TMEM63C: variants seen among roughly 807,000 people sequenced by gnomAD.
TMEM63C encodes transmembrane protein 63C, also known as osmosensitive cation channel TMEM63C.
In TMEM63C, 32 loss-of-function variants were observed where a neutral mutation model predicts 99.2. The ratio of observed to expected loss-of-function variants is 0.32; its 90% CI spans 0.24 to 0.43. TMEM63C has a LOEUF of 0.43. Among genes scored for constraint, TMEM63C ranks in the 20% least tolerant of loss-of-function variants. The pLI is 1.00. For synonymous variants in TMEM63C, 376 were observed against 397.9 expected (o/e 0.94, Z 0.66); for missense variants, 826 against 1,053.0 (o/e 0.78, Z 2.98).
In TMEM63C at chr14:77,235,010, C is replaced by T. The variant is rs115046365; in HGVS notation, c.542+1510C>T. Among the ~76,000 whole-genome samples, 400 of 152,234 alleles carry T rather than the reference C, an allele frequency of 2.6e-3. 1 individual carries two copies. The highest frequency in any genetic ancestry group is 9.0e-3 in the African/African-American group (372 of 41,538). On this transcript the variant is annotated intron_variant, in intron 8 of 23. Coordinates refer to ENST00000298351, the MANE Select transcript of TMEM63C (RefSeq NM_020431.4). ...GCTACAGTGACCTTGAGAGGGGCAC[C>T]GACCCTCTCTCACCCTCCTTTCCCT...
intron 2 of TMEM63C, among the ~76,000 whole-genome samples, chr14:77,216,101 G>GAGGA (rs1201686249): frequency 2.8e-5 from 4 of 145,398 alleles, no homozygotes; most frequent in Middle Eastern, 3.5e-3. Flanking sequence ...AGAAAAGAGA[G>GAGGA]AGGAAGGAAG....
At chr14:77,248,051 C>T (rs1253076021) in intron 18 of TMEM63C, among the ~76,000 whole-genome samples, 1 of 152,206 alleles carries the variant, frequency 6.6e-6, no homozygotes, top group Non-Finnish European at 1.5e-5. Flanking sequence ...CTGGCTCAGA[C>T]ACCCTTGCTT....
intron 12 of TMEM63C, 60 bp downstream of exon 12, chr14:77,239,786 CT>C (rs1180342600): frequency 6.9e-6 from 11 of 1,587,500 alleles, no homozygotes; most frequent in Non-Finnish European, 9.4e-6. Flanking sequence ...GGGCTCTAGG[CT>C]CTGTGCCTTT....
At chr14:77,208,584 T>C (rs1485599500) in intron 1 of TMEM63C, among the ~76,000 whole-genome samples, 1 of 152,220 alleles carries the variant, frequency 6.6e-6, no homozygotes, top group Non-Finnish European at 1.5e-5. Context: ...GAACCCCAGC[T>C]GCAAGGGAGT....
chr14:77,239,197 C>T (rs575277641), intron 10 of TMEM63C, among the ~76,000 whole-genome samples: 7 of 152,226 alleles, frequency 4.6e-5, no homozygotes, highest in Non-Finnish European at 1.0e-4. Context: ...GCCCTTTTGC[C>T]CTGTTCTGAG....
At chr14:77,192,637 C>T (rs1291503815) in intron 1 of TMEM63C, among the ~76,000 whole-genome samples, 2 of 152,132 alleles carry the variant, frequency 1.3e-5, no homozygotes, top group East Asian at 1.9e-4. Context: ...TGGTGCGTGC[C>T]TGTAGTTGCA....
At chr14:77,252,220 C>T (rs997058762) in intron 22 of TMEM63C, among the ~76,000 whole-genome samples, 2 of 152,160 alleles carry the variant, frequency 1.3e-5, no homozygotes, top group African/African-American at 4.8e-5. Context: ...AACTGTGAGC[C>T]TCCAAGGACT....
chr14:77,224,944 A>G (rs1022937028), intron 5 of TMEM63C, among the ~76,000 whole-genome samples: 3 of 152,074 alleles, frequency 2.0e-5, no homozygotes, highest in African/African-American at 7.2e-5. Flanking sequence ...CTGAGATGAC[A>G]AGTGTGAGCC....
At chr14:77,220,787 C>G (rs879622585) in intron 5 of TMEM63C, among the ~76,000 whole-genome samples, 2 of 151,740 alleles carry the variant, frequency 1.3e-5, no homozygotes, top group African/African-American at 4.8e-5. Flanking sequence ...TGAGAACGTC[C>G]TCCCTCCCCA....
At chr14:77,182,742 G>T (rs2140083986) in intron 1 of TMEM63C, among the ~76,000 whole-genome samples, 1 of 152,306 alleles carries the variant, frequency 6.6e-6, no homozygotes. Flanking sequence ...CAATTAGATT[G>T]TCTGGGGACA....
At position 77,184,157 on chromosome 14, in the gene TMEM63C, C is replaced by T. The variant is rs973534403; in HGVS notation, c.-77+2263C>T. Reference sequence around the variant, plus strand: ...TGGTCTAGGTGGAAGCCATCTGTTTCCTGCCTTGATGGGGGAAACATGGTC... The same window carrying T: ...TGGTCTAGGTGGAAGCCATCTGTTTTCTGCCTTGATGGGGGAAACATGGTC... On this transcript the variant is annotated intron_variant, in intron 1 of 23. Coordinates refer to ENST00000298351, the MANE Select transcript of TMEM63C (RefSeq NM_020431.4). Among the ~76,000 whole-genome samples the T allele has an allele frequency of 2.0e-5, 3 of 152,076 alleles. No individual in the cohort carries two copies. The South Asian group carries it at 6.2e-4, about 32-fold the overall frequency.
intron 1 of TMEM63C, among the ~76,000 whole-genome samples, chr14:77,191,538 C>CTTTTTTTTTTTTTTTTTTTTTTTTT (rs71125542): frequency 6.1e-5 from 5 of 82,610 alleles, no homozygotes; most frequent in African/African-American, 1.0e-4. Context: ...TTTTCTTTTT[C>CTTTTTTTTTTTTTTTTTTTTTTTTT]TTTTTTTTTT....
chr14:77,248,385 A>G lies in TMEM63C; in HGVS notation c.1640A>G (p.Asn547Ser), dbSNP rs770416697. The G allele has an allele frequency of 3.7e-6, 6 of 1,611,184 alleles. No individual in the cohort carries two copies. The Admixed American group carries it at 1.0e-4, about 27-fold the overall frequency. Residue 547 changes from asparagine (N) to serine (S), a missense_variant, in exon 19 of 24, where the codon AAC (asparagine) becomes AGC (serine). Asn to Ser is a conservative substitution (Grantham distance 46). Coordinates refer to ENST00000298351, the MANE Select transcript of TMEM63C (RefSeq NM_020431.4). ...CCAGACAACGGCGCCTTCTTTGTCA[A>G]CTACGTGATCACGGCAGCTTTACTT... is the stretch of plus-strand genomic sequence containing the variant. ...FLPDNGAFFV[N>S]YVITAALLGT...
At chr14:77,204,173 A>G (rs1337250861) in intron 1 of TMEM63C, among the ~76,000 whole-genome samples, 1 of 152,244 alleles carries the variant, frequency 6.6e-6, no homozygotes, top group Admixed American at 6.5e-5. Context: ...CTCAGGGTCA[A>G]ACTGGATCCC....
chr14:77,254,079 G>C (rs1419754697), intron 23 of TMEM63C, among the ~76,000 whole-genome samples: 1 of 152,232 alleles, frequency 6.6e-6, no homozygotes. Flanking sequence ...AAGCATCCCA[G>C]AGGAGGGAGC....
intron 21 of TMEM63C, among the ~76,000 whole-genome samples, chr14:77,250,182 CAG>C (rs1392199074): frequency 1.3e-5 from 2 of 152,192 alleles, no homozygotes; most frequent in Non-Finnish European, 2.9e-5. Flanking sequence ...GAAGAGGAAA[CAG>C]AGCCTGCAGT....
intron 7 of TMEM63C, among the ~76,000 whole-genome samples, chr14:77,232,488 A>G (rs978441652): frequency 6.6e-6 from 1 of 151,922 alleles, no homozygotes; most frequent in Non-Finnish European, 1.5e-5. Context: ...GGTTTTCACC[A>G]TGTTGGCCAG....
At chr14:77,244,540 G>T in intron 16 of TMEM63C, 85 bp downstream of exon 16, 1 of 1,045,182 alleles carries the variant, frequency 9.6e-7, no homozygotes. Context: ...TGGCACTTGG[G>T]CCTCCCCTCT....
intron 6 of TMEM63C, 88 bp downstream of exon 6, chr14:77,225,549 T>G (rs1812429693): frequency 7.0e-7 from 1 of 1,426,084 alleles, no homozygotes; most frequent in African/African-American, 1.4e-5. Flanking sequence ...GCCCCCAGCC[T>G]GGGAAGACAG....
Sources: allele counts gnomAD v4.1 joint callset (sites outside exome capture counted in the v4.1 genomes callset), GRCh38; gene constraint gnomAD v4.1.1; transcripts MANE v1.5; gene names NCBI Gene and HGNC (gene_info 2026-07-23, HGNC 2026-07-21).